The following ADAM22 variants were observed in gnomAD, a reference collection of about 807,000 sequenced individuals.
The protein encoded by ADAM22 is disintegrin and metalloproteinase domain-containing protein 22.
In ADAM22, 65 loss-of-function variants were observed where a neutral mutation model predicts 144.6. The observed-to-expected ratio is 0.45, with a 90% CI of 0.37 to 0.55. ADAM22 has a LOEUF of 0.55. Among genes scored for constraint, ADAM22 ranks in the 20% least tolerant of loss-of-function variants. The probability of loss-of-function intolerance (pLI) is 0.00; values close to 1 mark genes in which losing one functional copy is unlikely to be tolerated. For synonymous variants in ADAM22, 391 were observed against 412.6 expected, an observed-to-expected ratio of 0.95 and a Z score of 0.63; for missense variants, 974 against 1,184.9, an observed-to-expected ratio of 0.82 and a Z score of 2.61.
In ADAM22 at chr7:88,186,704, A is replaced by G. The variant is rs1178702718; in HGVS notation, c.2750+3A>G. The G allele has an allele frequency of 6.4e-7, 1 of 1,556,588 alleles. No homozygotes were observed. The highest frequency in any genetic ancestry group is 8.9e-7 in the Non-Finnish European group (1 of 1,129,396). The stretch of plus-strand genomic sequence containing the variant: ...AACACTGAAGGACCATACTTTAGGT[A>G]TTTTATAAATTAATTTTTATATCCT... On this transcript the variant is annotated splice_donor_region_variant and intron_variant, in intron 30 of 31. Transcript: ENST00000413139.
At chr7:88,079,037 A>G (rs1314249773) in intron 4 of ADAM22, among the ~76,000 whole-genome samples, 4 of 152,218 alleles carry the variant, frequency 2.6e-5, no homozygotes, top group Non-Finnish European at 5.9e-5. Flanking sequence ...TCCAAGACAC[A>G]TAATTGTCAG....
intron 3 of ADAM22, among the ~76,000 whole-genome samples, chr7:88,053,491 A>G (rs1291102469): frequency 6.6e-6 from 1 of 151,606 alleles, no homozygotes; most frequent in Non-Finnish European, 1.5e-5. Flanking sequence ...TAATAAAAAG[A>G]CTTAAAGAGA....
At chr7:88,183,918 G>A (rs533895249) in intron 29 of ADAM22, among the ~76,000 whole-genome samples, 1 of 151,724 alleles carries the variant, frequency 6.6e-6, no homozygotes, top group South Asian at 2.1e-4. Flanking sequence ...CAAGAATTAT[G>A]TTTGCAAACT....
chr7:88,134,473 A>T, intron 13 of ADAM22, 54 bp downstream of exon 13: 1 of 1,388,860 alleles, frequency 7.2e-7, no homozygotes, highest in Non-Finnish European at 9.9e-7. Context: ...TATTTGTGAA[A>T]TATTTTGGAG....
At chr7:88,082,429 A>C (rs1365690976) in intron 4 of ADAM22, among the ~76,000 whole-genome samples, 2 of 152,164 alleles carry the variant, frequency 1.3e-5, no homozygotes, top group African/African-American at 2.4e-5. Context: ...AGGCATGGGC[A>C]AGGACTTCAT....
intron 3 of ADAM22, among the ~76,000 whole-genome samples, chr7:87,986,651 C>G (rs1214997023): frequency 6.6e-6 from 1 of 152,164 alleles, no homozygotes; most frequent in Admixed American, 6.5e-5. Context: ...TAGCATCAGG[C>G]TCCTGTAACA....
chr7:88,171,700 T>C (rs1844359521), intron 26 of ADAM22, 139 bp downstream of exon 26: 1 of 633,418 alleles, frequency 1.6e-6, no homozygotes, highest in Admixed American at 3.8e-5. Context: ...TTTTTCATTA[T>C]CTTGAGGTAA....
intron 3 of ADAM22, among the ~76,000 whole-genome samples, chr7:88,062,514 G>A (rs1394344193): frequency 1.3e-5 from 2 of 152,216 alleles, no homozygotes; most frequent in Non-Finnish European, 2.9e-5. Flanking sequence ...TGGCTGGTTT[G>A]ATCTTCTATC....
At chr7:88,004,202 A>C (rs543580799) in intron 3 of ADAM22, among the ~76,000 whole-genome samples, 1 of 152,300 alleles carries the variant, frequency 6.6e-6, no homozygotes, top group South Asian at 2.1e-4. Context: ...GGTACCTGTT[A>C]GTCTATCAGC....
At chr7:87,943,926 CAAGT>C (rs1401250733) in intron 2 of ADAM22, among the ~76,000 whole-genome samples, 1 of 151,120 alleles carries the variant, frequency 6.6e-6, no homozygotes, top group African/African-American at 2.4e-5. Context: ...TTTTTTGTCT[CAAGT>C]AAAGATTGTT....
chr7:88,037,114 T>G (rs1202572562), intron 3 of ADAM22, among the ~76,000 whole-genome samples: 1 of 152,120 alleles, frequency 6.6e-6, no homozygotes, highest in African/African-American at 2.4e-5. Context: ...ATGATGCTAT[T>G]ATGAACATAT....
intron 5 of ADAM22, among the ~76,000 whole-genome samples, chr7:88,108,879 A>G (rs1825259165): frequency 6.6e-6 from 1 of 152,224 alleles, no homozygotes; most frequent in African/African-American, 2.4e-5. Context: ...TTAGAGCTGC[A>G]GAAAACAGAG....
chr7:87,994,390 T>C (rs561285274), intron 3 of ADAM22, among the ~76,000 whole-genome samples: 70 of 152,212 alleles, frequency 4.6e-4, no homozygotes, highest in Admixed American at 5.9e-4. Context: ...CTCGATCTCC[T>C]GACCTCGTGA....
At chr7:88,190,716 C>T (rs370155196) in intron 30 of ADAM22, among the ~76,000 whole-genome samples, 17 of 152,194 alleles carry the variant, frequency 1.1e-4, no homozygotes, top group Non-Finnish European at 1.6e-4. Flanking sequence ...TTTGAAGAAA[C>T]GTTTTCCTTA....
intron 4 of ADAM22, among the ~76,000 whole-genome samples, chr7:88,103,647 T>C (rs1378064845): frequency 6.6e-6 from 1 of 152,114 alleles, no homozygotes; most frequent in Admixed American, 6.6e-5. Context: ...CAATAAGGAA[T>C]AAAGCTATGA....
At chr7:88,154,734 C>T (rs1049068977) in intron 21 of ADAM22, among the ~76,000 whole-genome samples, 1 of 152,066 alleles carries the variant, frequency 6.6e-6, no homozygotes, top group Non-Finnish European at 1.5e-5. Flanking sequence ...TATCTCTTCT[C>T]TGTTGAGAAA....
At position 88,049,050 on chromosome 7, in the gene ADAM22, A is replaced by G. The variant is rs367859858; in HGVS notation, c.324-26576A>G. Among the ~76,000 whole-genome samples, 11 of 152,332 alleles carry G rather than the reference A, an allele frequency of 7.2e-5. No homozygotes were observed. In the East Asian group the frequency reaches 1.7e-3, roughly 24 times the overall value. On this transcript the variant is annotated intron_variant, in intron 3 of 31. Transcript: ENST00000413139. ...TGACTTTTATTACTTTATTTTAAAT[A>G]ATTGATCATTTAACCCACTTAGAAT... is the stretch of plus-strand genomic sequence containing the variant.
chr7:87,981,637 C>T (rs977468451), intron 3 of ADAM22, among the ~76,000 whole-genome samples: 7 of 152,106 alleles, frequency 4.6e-5, no homozygotes, highest in Admixed American at 4.6e-4. Context: ...CTTGCCTTCT[C>T]TCATTTAGAG....
intron 4 of ADAM22, among the ~76,000 whole-genome samples, chr7:88,090,704 A>G (rs1819627262): frequency 6.6e-6 from 1 of 152,148 alleles, no homozygotes; most frequent in Admixed American, 6.6e-5. Flanking sequence ...TCAACTTTCT[A>G]AAAGTGATTC....
Sources: gnomAD v4.1 joint callset for allele counts (sites outside exome capture counted in the v4.1 genomes callset) on GRCh38, gnomAD v4.1.1 for gene constraint, MANE v1.5 for transcripts, NCBI Gene and HGNC (gene_info 2026-07-23, HGNC 2026-07-21) for gene names.